SLC9A5: variants seen among roughly 807,000 people sequenced by gnomAD.
SLC9A5 encodes sodium/hydrogen exchanger 5.
A neutral mutation model predicts 91.7 loss-of-function variants in SLC9A5; 52 were observed. The observed-to-expected ratio is 0.57, with a 90% confidence interval of 0.45 to 0.71. The LOEUF is 0.71. Among genes scored for constraint, SLC9A5 ranks in the 30% least tolerant of loss-of-function variants. The probability of loss-of-function intolerance (pLI) is 0.00; values close to 1 mark genes in which losing one functional copy is unlikely to be tolerated. For missense variants in SLC9A5, 871 were observed against 1,158.9 expected, an observed-to-expected ratio of 0.75 and a Z score of 3.61; for synonymous variants, 419 against 474.5, an observed-to-expected ratio of 0.88 and a Z score of 1.52.
intron 10 of SLC9A5, among the ~76,000 whole-genome samples, chr16:67,259,056 C>T (rs1184476144): frequency 2.0e-5 from 3 of 149,450 alleles, no homozygotes; most frequent in East Asian, 2.0e-4. Flanking sequence ...GTCAGGAGTT[C>T]GAAACCGGCC....
chr16:67,255,311 C>T lies in SLC9A5; in HGVS notation c.655-82C>T. ...GCAGAAATATGCTGTCTGCTTTCAC[C>T]CTGCTCTCCCAGCAGTCTGTCTCCC... On this transcript the variant is annotated intron_variant, in intron 3 of 15. Coordinates refer to ENST00000299798, the MANE Select transcript of SLC9A5 (RefSeq NM_004594.3). The surrounding 1 kb of genome is among the most constrained non-coding windows in gnomAD (Gnocchi z 4.9). The T allele has an allele frequency of 2.0e-6, 3 of 1,526,760 alleles. No individual in the cohort carries two copies. The highest frequency in any genetic ancestry group is 1.4e-5 in the African/African-American group (1 of 73,362). The allele number at this position is 1,526,760 out of a possible 1,614,324, so 94.6% of individuals were successfully genotyped here.
chr16:67,255,034 G>C lies in SLC9A5; in HGVS notation c.504G>C (p.Gln168His). ...GTCCCTTAATAGCCCCTAGGGTGCA[G>C]GCTGGCTTACTGGACTTCCTGCTGT... ...QQAGLVAPRV[Q>H]AGLLDFLLFG... is the part of the protein sequence containing the mutation. The change falls in exon 3 of 16, where the codon CAG (glutamine) becomes CAC (histidine). Residue 168 changes from glutamine (Q) to histidine (H), a missense_variant. Gln to His is a conservative substitution (Grantham distance 24). Transcript: ENST00000299798. This position sits in a 1 kb window ranked among gnomAD's most constrained non-coding sequence, Gnocchi z 4.9. 1 of 1,613,944 alleles carries C rather than the reference G, an allele frequency of 6.2e-7. No homozygotes were observed. The highest frequency in any genetic ancestry group is 1.1e-5 in the South Asian group (1 of 91,066).
intron 2 of SLC9A5, among the ~76,000 whole-genome samples, chr16:67,254,476 G>T (rs1265800888): frequency 1.3e-5 from 2 of 152,048 alleles, no homozygotes; most frequent in Admixed American, 1.3e-4. Context: ...GGCTCACTGC[G>T]GCCTCCGCCT....
At chr16:67,266,781 T>A (rs1250590677) in intron 15 of SLC9A5, among the ~76,000 whole-genome samples, 3 of 151,530 alleles carry the variant, frequency 2.0e-5, no homozygotes, top group Non-Finnish European at 4.4e-5. Context: ...CCTCAGGTGA[T>A]CCACCCACCT....
In SLC9A5 at chr16:67,270,608, C is replaced by A; in HGVS notation, c.2219-130C>A. ...AACAAGCTGTGGTACTTCGCCTCAG[C>A]AAGACATTCATCCGATAATCGCAAA... On this transcript the variant is annotated intron_variant, in intron 15 of 15. Coordinates refer to ENST00000299798, the MANE Select transcript of SLC9A5 (RefSeq NM_004594.3). The surrounding 1 kb of genome is among the most constrained non-coding windows in gnomAD (Gnocchi z 4.3). 1 of 660,064 alleles carries A rather than the reference C, an allele frequency of 1.5e-6. No individual in the cohort carries two copies. The highest frequency in any genetic ancestry group is 2.8e-5 in the East Asian group (1 of 36,316). 40.9% of individuals were successfully genotyped at this position (660,064 alleles called of 1,614,324 possible). A position where few individuals can be genotyped will look rare whatever the true frequency, so the allele number is the denominator to read the frequency against.
Position 67,265,113 on chromosome 16 carries a change from A to C in SLC9A5, c.2080+7A>C, listed in dbSNP as rs1375419010. ...CTGGGCTTTCAGGACACAGGCAAGC[A>C]GGGAGCAGTGTGGGATTGAGGATGG... On this transcript the variant is annotated splice_region_variant and intron_variant, in intron 14 of 15. Coordinates refer to ENST00000299798, the MANE Select transcript of SLC9A5 (RefSeq NM_004594.3). 1 of 1,613,866 alleles carries C rather than the reference A, an allele frequency of 6.2e-7. No homozygotes were observed. The highest frequency in any genetic ancestry group is 1.7e-5 in the Admixed American group (1 of 60,022).
intron 14 of SLC9A5, among the ~76,000 whole-genome samples, 165 bp from the exon 15 acceptor site, chr16:67,265,923 A>G (rs1410133755): frequency 6.6e-6 from 1 of 152,090 alleles, no homozygotes; most frequent in African/African-American, 2.4e-5. Flanking sequence ...CTTCCTCCCA[A>G]GTCCCCACCT....
Position 67,257,563 on chromosome 16 carries a change from C to A in SLC9A5, c.1458C>A (p.Asp486Glu). The A allele has an allele frequency of 6.2e-7, 1 of 1,614,086 alleles. No individual in the cohort carries two copies. The highest frequency in any genetic ancestry group is 1.1e-5 in the South Asian group (1 of 91,078). Reference sequence around the variant, plus strand: ...ACCACATTCTGGCTGCAGTGGAGGACGTTGTGGGGCACCATGGCTACCACT... The same window carrying A: ...ACCACATTCTGGCTGCAGTGGAGGAAGTTGTGGGGCACCATGGCTACCACT... ...TFDHILAAVEDVVGHHGYHYW... is the reference protein window; with the variant it reads ...TFDHILAAVEEVVGHHGYHYW... Residue 486 changes from aspartate to glutamate, a missense_variant, in exon 9 of 16, where the codon GAC becomes GAA. Around this residue, in one of 3 missense-constraint regions of SLC9A5, gnomAD observed 454 missense variants for 718.3 expected, o/e 0.63. Coordinates refer to ENST00000299798, the MANE Select transcript of SLC9A5 (RefSeq NM_004594.3). The surrounding 1 kb of genome is among the most constrained non-coding windows in gnomAD (Gnocchi z 5.1).
rs764743739 is a variant in SLC9A5 at position 67,255,115 on chromosome 16, G to A, written c.585G>A (p.Glu195=). 7.7e-5 allele frequency: 125 copies of A among 1,613,964 alleles called. No individual in the cohort carries two copies. The highest frequency in any genetic ancestry group is 1.0e-4 in the Non-Finnish European group (120 of 1,179,992). Residue 195 remains glutamate, a synonymous_variant, in exon 3 of 16, where the codon GAG becomes GAA. Transcript: ENST00000299798. This position sits in a 1 kb window ranked among gnomAD's most constrained non-coding sequence, Gnocchi z 4.9. ...TGGCCGTGCTAGCTGTCTTTGAGGA[G>A]GTGCACGTCAATGAGACTCTCTTTA... is the stretch of plus-strand genomic sequence containing the variant. ...DPVAVLAVFE[E]VHVNETLFII... is the part of the protein sequence containing the mutation.
intron 12 of SLC9A5, 102 bp downstream of exon 12, chr16:67,260,048 G>T: frequency 2.7e-6 from 4 of 1,474,344 alleles, no homozygotes; most frequent in Non-Finnish European, 2.7e-6. Context: ...CAGATGCCCA[G>T]CTAAAGAGTG....
chr16:67,270,864 T>C lies in SLC9A5; in HGVS notation c.2345T>C (p.Ile782Thr). 6.2e-7 allele frequency: 1 copy of C among 1,614,096 alleles called. No homozygotes were observed. Among genetic ancestry groups the C allele is most frequent in the Non-Finnish European group, 8.5e-7 (1 of 1,180,010 alleles). Residue 782 changes from isoleucine (I) to threonine (T), a missense_variant, in exon 16 of 16, where the codon ATT becomes ACT. Physicochemically the swap from Ile to Thr is moderately conservative, Grantham distance 89. Coordinates refer to ENST00000299798, the MANE Select transcript of SLC9A5 (RefSeq NM_004594.3). This position sits in a 1 kb window ranked among gnomAD's most constrained non-coding sequence, Gnocchi z 4.3. ...AVYVSSETTK[I>T]VPVDMQTGWN... ...TACGTGTCCTCGGAAACCACCAAGA[T>C]TGTGCCTGTGGACATGCAGACGGGT... is the stretch of plus-strand genomic sequence containing the variant.
chr16:67,259,161 C>T (rs1028786587), intron 10 of SLC9A5, among the ~76,000 whole-genome samples: 8 of 150,714 alleles, frequency 5.3e-5, no homozygotes, highest in East Asian at 3.9e-4. Context: ...TGGGAGGCTG[C>T]GGCAGGAGAA....
At position 67,258,502 on chromosome 16, in the gene SLC9A5, G is replaced by A; in HGVS notation, c.1626+55G>A. On this transcript the variant is annotated intron_variant, in intron 10 of 15. Coordinates refer to ENST00000299798, the MANE Select transcript of SLC9A5 (RefSeq NM_004594.3). This position sits in a 1 kb window ranked among gnomAD's most constrained non-coding sequence, Gnocchi z 4.5. ...GGTGGGTGGGCAGATGGTCAGCAGA[G>A]CAGGACAGAAAGGGGTGGCAAGCAG... The A allele has an allele frequency of 6.2e-7, 1 of 1,608,980 alleles. No homozygotes were observed. The highest frequency in any genetic ancestry group is 8.5e-7 in the Non-Finnish European group (1 of 1,176,358).
rs1299847227 is a variant in SLC9A5 at position 67,256,531 on chromosome 16, G to A, written c.974G>A (p.Arg325His). Reference protein sequence around the residue: ...YVEANISHKSRTTVKYTMKTL... With the variant: ...YVEANISHKSHTTVKYTMKTL... ...GAGGCCAACATCTCCCATAAGTCACGCACAACTGTCAAATATACAATGAAG... is the reference window on the plus strand; with the variant it reads ...GAGGCCAACATCTCCCATAAGTCACACACAACTGTCAAATATACAATGAAG... The change falls in exon 6 of 16, where the codon CGC becomes CAC. Residue 325 changes from arginine to histidine, a missense_variant. By Grantham distance (29) the Arg-to-His change is conservative. Coordinates refer to ENST00000299798, the MANE Select transcript of SLC9A5 (RefSeq NM_004594.3). The surrounding 1 kb of genome is among the most constrained non-coding windows in gnomAD (Gnocchi z 4.1). 1.9e-6 allele frequency: 3 copies of A among 1,613,872 alleles called. No individual in the cohort carries two copies. The highest frequency in any genetic ancestry group is 1.1e-5 in the South Asian group (1 of 91,080).
Position 67,257,190 on chromosome 16 carries a change from G to GCTTCTCTTCC in SLC9A5, c.1335+79_1335+88dup, listed in dbSNP as rs1192739612. The GCTTCTCTTCC allele has an allele frequency of 1.4e-6, 2 of 1,464,478 alleles. No individual in the cohort carries two copies. The highest frequency in any genetic ancestry group is 2.8e-5 in the African/African-American group (2 of 71,888). The allele number at this position is 1,464,478 out of a possible 1,614,324, so 90.7% of individuals were successfully genotyped here. A position where few individuals can be genotyped will look rare whatever the true frequency, so the allele number is the denominator to read the frequency against. ...GAGTCTTGGAGCCTGTGGGACAGGG[G>GCTTCTCTTCC]CTTCTCTTCCCGCTGGGAGATGGAG... On this transcript the variant is annotated intron_variant, in intron 7 of 15. Transcript: ENST00000299798. The surrounding 1 kb of genome is among the most constrained non-coding windows in gnomAD (Gnocchi z 5.1).
intron 12 of SLC9A5, among the ~76,000 whole-genome samples, chr16:67,264,026 T>C (rs1223218798): frequency 6.6e-6 from 1 of 151,852 alleles, no homozygotes; most frequent in Non-Finnish European, 1.5e-5. Context: ...ACAAAGAAAA[T>C]GTCCCCCATG....
chr16:67,271,529 G>A lies in SLC9A5; in HGVS notation c.*319G>A, dbSNP rs1166966167. ...CCCCTTCCCTAGTGGGTTTTCCCGG[G>A]GACTCTATAGGCAGCTGCTCCTGCC... On this transcript the variant is annotated 3_prime_UTR_variant, in exon 16 of 16. Coordinates refer to ENST00000299798, the MANE Select transcript of SLC9A5 (RefSeq NM_004594.3). 5.3e-6 allele frequency: 2 copies of A among 375,508 alleles called. No homozygotes were observed. The highest frequency in any genetic ancestry group is 4.9e-5 in the East Asian group (1 of 20,546). 23.3% of individuals were successfully genotyped at this position (375,508 alleles called of 1,614,324 possible). A position where few individuals can be genotyped will look rare whatever the true frequency, so the allele number is the denominator to read the frequency against.
At chr16:67,263,328 T>C (rs531653156) in intron 12 of SLC9A5, 1 of 151,946 alleles carries the variant, frequency 6.6e-6, no homozygotes, top group South Asian at 2.1e-4. Context: ...AAATATGAGA[T>C]AAAGGGACCA....
intron 14 of SLC9A5, 72 bp downstream of exon 14, chr16:67,265,178 C>A (rs770993802): frequency 1.2e-5 from 17 of 1,434,942 alleles, no homozygotes; most frequent in Non-Finnish European, 1.7e-5. Context: ...CAGCCAGAAT[C>A]CTGGAGGACC....
Sources: gnomAD v4.1 joint callset for allele counts (sites outside exome capture counted in the v4.1 genomes callset) on GRCh38, gnomAD v4.1.1 for gene constraint, gnomAD v4.1.1 regional missense constraint, Gnocchi (gnomAD v3.1) non-coding constraint, MANE v1.5 for transcripts, NCBI Gene and HGNC (gene_info 2026-07-23, HGNC 2026-07-21) for gene names.